COL5A3: variants seen among roughly 807,000 people sequenced by gnomAD.
COL5A3 encodes the protein collagen type V alpha 3 chain, also known as collagen alpha-3(V) chain.
Under a neutral mutation model 250.0 loss-of-function variants are expected in COL5A3, and 172 were observed. The ratio of observed to expected loss-of-function variants is 0.69; its 90% CI spans 0.61 to 0.78. COL5A3 has a LOEUF of 0.78. Ranked by LOEUF, COL5A3 falls within the 30% of genes least tolerant of loss-of-function variation. COL5A3 has a pLI of 0.00. For missense variants in COL5A3, 2,340 were observed against 2,334.4 expected, an observed-to-expected ratio of 1.00 and a Z score of -0.05; for synonymous variants, 937 against 900.4, an observed-to-expected ratio of 1.04 and a Z score of -0.73.
intron 57 of COL5A3, chr19:9,969,005 T>G: frequency 1.7e-6 from 1 of 584,916 alleles, no homozygotes; most frequent in Non-Finnish European, 3.0e-6. Context: ...GGCATCAAGA[T>G]GAAGGGTCAG....
intron 31 of COL5A3, 21 bp downstream of exon 31, chr19:9,985,821 C>T (rs1325545640): frequency 1.2e-5 from 20 of 1,606,442 alleles, no homozygotes; most frequent in Admixed American, 1.7e-5. Context: ...CCATCTCCAC[C>T]CCCCACCCCC....
intron 19 of COL5A3, 72 bp downstream of exon 19, chr19:9,993,308 T>A (rs1241198277): frequency 3.2e-6 from 5 of 1,540,036 alleles, no homozygotes; most frequent in Non-Finnish European, 4.5e-6. Context: ...CCTCCAGATC[T>A]TCCTCTCTGA....
At chr19:10,004,488 G>A (rs1286667537) in intron 4 of COL5A3, among the ~76,000 whole-genome samples, 1 of 152,202 alleles carries the variant, frequency 6.6e-6, no homozygotes, top group Non-Finnish European at 1.5e-5. Flanking sequence ...GTGCCACCAC[G>A]CCCAGTTAAT....
chr19:9,972,837 A>C, intron 51 of COL5A3, 82 bp downstream of exon 51: 1 of 983,076 alleles, frequency 1.0e-6, no homozygotes, highest in Non-Finnish European at 1.4e-6. Flanking sequence ...TCCATCTCAA[A>C]AAAAAAAAAA....
intron 31 of COL5A3, among the ~76,000 whole-genome samples, chr19:9,982,510 T>C (rs1375412013): frequency 6.6e-6 from 1 of 152,230 alleles, no homozygotes; most frequent in Non-Finnish European, 1.5e-5. Context: ...CCAAGAACAC[T>C]TGCGTTGAAA....
intron 57 of COL5A3, chr19:9,969,014 A>T: frequency 1.7e-6 from 1 of 583,482 alleles, no homozygotes. Flanking sequence ...ATGAAGGGTC[A>T]GTGTGGTCAG....
Position 9,966,375 on chromosome 19 carries a change from A to T in COL5A3, c.4721T>A (p.Val1574Asp), listed in dbSNP as rs1403610649. 4.3e-6 allele frequency: 7 copies of T among 1,609,416 alleles called. No homozygotes were observed. The African/African-American group carries it at 6.7e-5, about 15-fold the overall frequency. The change falls in exon 64 of 67, where the codon GTT becomes GAT. Residue 1574 changes from valine (V) to aspartate (D), a missense_variant. Val to Asp is a radical substitution (Grantham distance 152). This residue lies in a region of COL5A3 where 1,179 missense variants were observed against 1,162.6 expected (regional missense o/e 1.01). Coordinates refer to ENST00000264828, the MANE Select transcript of COL5A3 (RefSeq NM_015719.4). The part of the protein sequence containing the change: ...NQGCARDSFR[V>D]FCNFTAGGET... Reference sequence around the variant, plus strand: ...TCCTCCCGCCGTGAAGTTGCAAAAAACCCTGAACGAGTCCCGCGCGCAGCC... The same window carrying T: ...TCCTCCCGCCGTGAAGTTGCAAAAATCCCTGAACGAGTCCCGCGCGCAGCC...
At chr19:9,987,118 A>ACTCTGTGCTTGGCAACAAGATGAC (rs2087112088) in intron 27 of COL5A3, among the ~76,000 whole-genome samples, 1 of 152,034 alleles carries the variant, frequency 6.6e-6, no homozygotes, top group Non-Finnish European at 1.5e-5. Flanking sequence ...CTACAAGGCG[A>ACTCTGTGCTTGGCAACAAGATGAC]CTCTGTGCTT....
intron 1 of COL5A3, 94 bp from the exon 2 acceptor site, chr19:10,006,325 G>A: frequency 8.0e-7 from 1 of 1,254,942 alleles, no homozygotes. Flanking sequence ...GTTTTTTTAG[G>A]GGGCTCAGCC....
chr19:9,968,196 G>T lies in COL5A3; in HGVS notation c.4315-117C>A. 1 of 1,118,194 alleles carries T rather than the reference G, an allele frequency of 8.9e-7. No individual in the cohort carries two copies. The highest frequency in any genetic ancestry group is 1.3e-6 in the Non-Finnish European group (1 of 775,598). 69.3% of individuals were successfully genotyped at this position (1,118,194 alleles called of 1,614,324 possible). The stretch of plus-strand genomic sequence containing the variant: ...ACCCCGAACCCTAGACAAGCCTCCA[G>T]TTCCCCCACAGAGAGACCCCAAACC... On this transcript the variant is annotated intron_variant, in intron 59 of 66. Transcript: ENST00000264828. The surrounding 1 kb of genome is among the most constrained non-coding windows in gnomAD (Gnocchi z 4.1).
intron 6 of COL5A3, among the ~76,000 whole-genome samples, chr19:10,002,630 T>G (rs1568431706): frequency 6.6e-6 from 1 of 152,074 alleles, no homozygotes; most frequent in Non-Finnish European, 1.5e-5. Context: ...TGACATCTCT[T>G]GGCTATTAGC....
At chr19:9,978,796 T>C in intron 40 of COL5A3, 95 bp downstream of exon 40, 1 of 1,047,180 alleles carries the variant, frequency 9.5e-7, no homozygotes, top group Non-Finnish European at 1.3e-6. Flanking sequence ...TTTCATCATT[T>C]CCCGCACCCC....
chr19:9,971,120 A>G (rs930492338), intron 52 of COL5A3, 85 bp downstream of exon 52: 14 of 1,405,920 alleles, frequency 1.0e-5, no homozygotes, highest in Non-Finnish European at 1.2e-5. Context: ...TTTTGGTTCC[A>G]CTGTCAGTGC....
chr19:9,971,084 G>T, intron 52 of COL5A3, 56 bp from the exon 53 acceptor site: 2 of 1,463,380 alleles, frequency 1.4e-6, no homozygotes, highest in Non-Finnish European at 1.8e-6. Flanking sequence ...GAGAATTTGG[G>T]ATGGGGCTGG....
intron 24 of COL5A3, 110 bp downstream of exon 24, chr19:9,991,500 T>C (rs895381657): frequency 1.1e-6 from 1 of 882,100 alleles, no homozygotes. Context: ...AATGTTGCAG[T>C]CTATCACTAT....
rs1230314673 is a variant in COL5A3, at chr19:9,976,623, G to A, written c.3289-12C>T. 1 of 1,573,168 alleles carries A rather than the reference G, an allele frequency of 6.4e-7. No individual in the cohort carries two copies. The highest frequency in any genetic ancestry group is 2.4e-5 in the East Asian group (1 of 42,046). ...TGTCCAGGTGGGCCCTGGGAGAACA[G>A]GAAACAGAATCAAAAATTCCCTCAG... On this transcript the variant is annotated splice_polypyrimidine_tract_variant and intron_variant, in intron 44 of 66. Transcript: ENST00000264828.
Position 10,006,090 on chromosome 19 carries a change from G to C in COL5A3, c.230C>G (p.Thr77Arg). Residue 77 changes from threonine (T) to arginine (R), a missense_variant, in exon 2 of 67, where the codon ACG becomes AGG. Physicochemically the swap from Thr to Arg is moderately conservative, Grantham distance 71. Coordinates refer to ENST00000264828, the MANE Select transcript of COL5A3 (RefSeq NM_015719.4). ...IGQASTLGIPTWELFPEGHFP... is the reference protein window; with the variant it reads ...IGQASTLGIPRWELFPEGHFP... The stretch of plus-strand genomic sequence containing the variant: ...CAACTCACCTGGAAAGAGTTCCCAC[G>C]TGGGGATGCCGAGCGTGCTGGCCTG... 1 of 1,614,042 alleles carries C rather than the reference G, an allele frequency of 6.2e-7. No individual in the cohort carries two copies. Among genetic ancestry groups the C allele is most frequent in the Non-Finnish European group, 8.5e-7 (1 of 1,179,948 alleles).
intron 65 of COL5A3, among the ~76,000 whole-genome samples, chr19:9,961,475 C>T (rs1194257190): frequency 6.6e-6 from 1 of 152,102 alleles, no homozygotes; most frequent in East Asian, 1.9e-4. Flanking sequence ...AGTCATCCTC[C>T]CATCTCAGCC....
chr19:9,997,663 G>A (rs971974580), intron 10 of COL5A3, among the ~76,000 whole-genome samples: 2 of 151,914 alleles, frequency 1.3e-5, no homozygotes, highest in South Asian at 2.1e-4. Flanking sequence ...GTGCAGTGGC[G>A]TGATCATAGC....
Sources: allele counts gnomAD v4.1 joint callset (sites outside exome capture counted in the v4.1 genomes callset), GRCh38; gene constraint gnomAD v4.1.1; regional missense constraint gnomAD v4.1.1; non-coding constraint Gnocchi (gnomAD v3.1); transcripts MANE v1.5; gene names NCBI Gene and HGNC (gene_info 2026-07-23, HGNC 2026-07-21).